The following ARHGAP40 variants were observed in gnomAD, a reference collection of about 807,000 sequenced individuals.
ARHGAP40 encodes Rho GTPase activating protein 40.
A neutral mutation model predicts 73.5 loss-of-function variants in ARHGAP40; 43 were observed. The observed-to-expected ratio is 0.58, with a 90% CI of 0.46 to 0.75. The LOEUF is 0.75. Ranked by LOEUF, ARHGAP40 falls within the 30% of genes least tolerant of loss-of-function variation. The probability of loss-of-function intolerance (pLI) is 0.00; values close to 1 mark genes in which losing one functional copy is unlikely to be tolerated. For synonymous variants in ARHGAP40, 300 were observed against 352.8 expected (o/e 0.85, Z 1.68); for missense variants, 734 against 861.8 (o/e 0.85, Z 1.86).
intron 10 of ARHGAP40, 53 bp downstream of exon 10, chr20:38,641,861 GC>G: frequency 8.3e-7 from 1 of 1,204,850 alleles, no homozygotes. Context: ...CACAGCCACA[GC>G]CATGGCTTCA....
intron 1 of ARHGAP40, among the ~76,000 whole-genome samples, chr20:38,614,551 C>T (rs1356664760): frequency 1.3e-5 from 2 of 152,170 alleles, no homozygotes; most frequent in African/African-American, 4.8e-5. Context: ...GCCACTCCTG[C>T]TATATCTACA....
At chr20:38,616,022 C>T (rs759301276) in intron 1 of ARHGAP40, among the ~76,000 whole-genome samples, 5 of 152,168 alleles carry the variant, frequency 3.3e-5, no homozygotes, top group Non-Finnish European at 5.9e-5. Flanking sequence ...GGGACCCAGG[C>T]GGCAGCTGTC....
intron 13 of ARHGAP40, 70 bp from the exon 14 acceptor site, chr20:38,648,573 C>T (rs1346730161): frequency 3.6e-5 from 44 of 1,228,298 alleles, no homozygotes; most frequent in Non-Finnish European, 1.5e-5. Flanking sequence ...GGGCCATGCA[C>T]AGTTGTTGGT....
chr20:38,613,594 G>A (rs990683190), intron 1 of ARHGAP40, among the ~76,000 whole-genome samples: 3 of 152,118 alleles, frequency 2.0e-5, no homozygotes, highest in African/African-American at 7.2e-5. Flanking sequence ...CCCTGGAGAA[G>A]GTCTCTGGGC....
rs189368284 is a variant in ARHGAP40, at chr20:38,622,119, T to A, written c.138-1240T>A. Among the ~76,000 whole-genome samples, 497 of 152,086 alleles carry A rather than the reference T, an allele frequency of 3.3e-3. 13 individuals carry two copies. The East Asian group carries it at 0.06, about 18-fold the overall frequency. On this transcript the variant is annotated intron_variant, in intron 1 of 14. Coordinates refer to ENST00000373345, the Ensembl canonical transcript of ARHGAP40. The stretch of plus-strand genomic sequence containing the variant: ...AGCACATATATATATATTTTTTTTT[T>A]AAAAAGGCAGCATGTGGATGACTTT...
intron 1 of ARHGAP40, among the ~76,000 whole-genome samples, chr20:38,616,341 A>T (rs555812223): frequency 1.6e-4 from 24 of 152,290 alleles, no homozygotes; most frequent in Admixed American, 3.3e-4. Flanking sequence ...TCATTACCCA[A>T]CAACAATTAT....
chr20:38,608,973 C>T (rs1038802268), intron 1 of ARHGAP40, among the ~76,000 whole-genome samples: 1 of 152,194 alleles, frequency 6.6e-6, no homozygotes, highest in African/African-American at 2.4e-5. Context: ...CTCTGGTTTT[C>T]ACTCTTCTGC....
At chr20:38,602,693 T>C (rs1038734710) in intron 1 of ARHGAP40, among the ~76,000 whole-genome samples, 1 of 152,258 alleles carries the variant, frequency 6.6e-6, no homozygotes, top group Non-Finnish European at 1.5e-5. Flanking sequence ...GACATATACC[T>C]TGGGAGAACT....
intron 10 of ARHGAP40, among the ~76,000 whole-genome samples, chr20:38,642,298 C>A (rs375140156): frequency 6.6e-6 from 1 of 152,182 alleles, no homozygotes; most frequent in African/African-American, 2.4e-5. Flanking sequence ...AGCAAATTCT[C>A]CTTGTCGTAT....
intron 1 of ARHGAP40, among the ~76,000 whole-genome samples, chr20:38,621,916 A>G (rs1460844689): frequency 6.6e-6 from 1 of 152,092 alleles, no homozygotes; most frequent in East Asian, 1.9e-4. Flanking sequence ...TTAGCCAGGC[A>G]TGGTCATGTG....
chr20:38,624,405 C>T (rs1159451267), intron 2 of ARHGAP40, among the ~76,000 whole-genome samples: 1 of 152,202 alleles, frequency 6.6e-6, no homozygotes, highest in Non-Finnish European at 1.5e-5. Context: ...TTCTGTTACC[C>T]TGCATGCAGC....
chr20:38,644,502 C>G (rs945775732), intron 11 of ARHGAP40, among the ~76,000 whole-genome samples: 1 of 152,208 alleles, frequency 6.6e-6, no homozygotes, highest in Admixed American at 6.5e-5. Context: ...GATGCGTAGC[C>G]TCTTCCCTCC....
intron 3 of ARHGAP40, among the ~76,000 whole-genome samples, chr20:38,627,868 G>A (rs2088912475): frequency 6.6e-6 from 1 of 152,142 alleles, no homozygotes; most frequent in Admixed American, 6.5e-5. Flanking sequence ...CTATATAATT[G>A]TTATTGATGC....
chr20:38,607,938 T>A (rs2088781404), intron 1 of ARHGAP40, among the ~76,000 whole-genome samples: 1 of 152,156 alleles, frequency 6.6e-6, no homozygotes, highest in East Asian at 1.9e-4. Flanking sequence ...TTTGGGTATT[T>A]TTTTTCTTGT....
chr20:38,603,457 CTATCTATT>C (rs2145590019), intron 1 of ARHGAP40, among the ~76,000 whole-genome samples: 1 of 144,342 alleles, frequency 6.9e-6, no homozygotes, highest in African/African-American at 2.8e-5. Flanking sequence ...ATCTATCTAT[CTATCTATT>C]CTATATCTAA....
chr20:38,630,096 T>C (rs1461678922), intron 5 of ARHGAP40, among the ~76,000 whole-genome samples: 2 of 93,396 alleles, frequency 2.1e-5, no homozygotes, highest in Non-Finnish European at 5.9e-5. Context: ...CTTTCTTTCT[T>C]TCTTTGTTTT....
chr20:38,637,691 T>C lies in ARHGAP40; in HGVS notation c.950-17T>C. The C allele has an allele frequency of 3.8e-6, 5 of 1,304,874 alleles. No individual in the cohort carries two copies. The highest frequency in any genetic ancestry group is 4.0e-6 in the Non-Finnish European group (4 of 988,590). 80.8% of individuals were successfully genotyped at this position (1,304,874 alleles called of 1,614,324 possible). ...TCCAAGAAGTGAAATGTGCCTCTGC[T>C]CTTTGACTTTCTGCAGAAACTCGCC... On this transcript the variant is annotated splice_polypyrimidine_tract_variant and intron_variant, in intron 6 of 14. Coordinates refer to ENST00000373345, the Ensembl canonical transcript of ARHGAP40.
At chr20:38,632,541 G>A (rs969680062) in intron 5 of ARHGAP40, among the ~76,000 whole-genome samples, 3 of 151,936 alleles carry the variant, frequency 2.0e-5, no homozygotes, top group African/African-American at 4.8e-5. Context: ...GATTACAGGC[G>A]TGAGCCACCG....
chr20:38,630,860 C>A (rs1365846041), intron 5 of ARHGAP40, among the ~76,000 whole-genome samples: 1 of 152,168 alleles, frequency 6.6e-6, no homozygotes. Flanking sequence ...TAGTCTTTCA[C>A]AGTCCCTCTA....
Sources: gnomAD v4.1 joint callset for allele counts (sites outside exome capture counted in the v4.1 genomes callset) on GRCh38, gnomAD v4.1.1 for gene constraint, MANE v1.5 for transcripts, NCBI Gene and HGNC (gene_info 2026-07-23, HGNC 2026-07-21) for gene names.